C2CD2: variants seen among roughly 807,000 people sequenced by gnomAD.
The protein encoded by C2CD2 is C2 calcium dependent domain containing 2.
A neutral mutation model predicts 74.3 loss-of-function variants in C2CD2; 43 were observed. The ratio of observed to expected loss-of-function variants is 0.58; its 90% confidence interval spans 0.45 to 0.75. C2CD2 has a LOEUF of 0.75. Among genes scored for constraint, C2CD2 ranks in the 30% least tolerant of loss-of-function variants. C2CD2 has a pLI of 0.00. For synonymous variants in C2CD2, 422 were observed against 390.7 expected (o/e 1.08, Z -0.94); for missense variants, 801 against 916.3 (o/e 0.87, Z 1.63).
rs2065190263 is a variant in C2CD2, at chr21:41,924,694, TAAAA to T, written c.379-2613_379-2610del. Among the ~76,000 whole-genome samples, 1 of 139,142 alleles carries T rather than the reference TAAAA, an allele frequency of 7.2e-6. No homozygotes were observed. The highest frequency in any genetic ancestry group is 1.5e-5 in the Non-Finnish European group (1 of 66,932). 91.3% of individuals were successfully genotyped at this position (139,142 alleles called of 152,430 possible). ...AGCCCACTCCTTTTACTGCTTAAAG[TAAAA>T]AATAAAAAATAAAAATAAATTTAAA... On this transcript the variant is annotated intron_variant, in intron 2 of 13. Coordinates refer to ENST00000380486, the MANE Select transcript of C2CD2 (RefSeq NM_015500.2). This position sits in a 1 kb window ranked among gnomAD's most constrained non-coding sequence, Gnocchi z 4.4.
chr21:41,936,536 T>G (rs927310515), intron 2 of C2CD2, among the ~76,000 whole-genome samples: 2 of 152,162 alleles, frequency 1.3e-5, no homozygotes, highest in Non-Finnish European at 2.9e-5. Flanking sequence ...ATATGGAAGC[T>G]CCTTTAAAAA....
chr21:41,888,179 T>G lies in C2CD2; in HGVS notation c.*945A>C, dbSNP rs1014210826. 1 of 152,640 alleles carries G rather than the reference T, an allele frequency of 6.6e-6. No homozygotes were observed. Among genetic ancestry groups the G allele is most frequent in the Non-Finnish European group, 1.5e-5 (1 of 68,046 alleles). The allele number at this position is 152,640 out of a possible 1,614,324, so 9.5% of individuals were successfully genotyped here. ...CTGAGACACAAAATAATTTCCTCTA[T>G]TGCCCTAAAAAGACTTTGTTTTGGC... is the stretch of plus-strand genomic sequence containing the variant. On this transcript the variant is annotated 3_prime_UTR_variant, in exon 14 of 14. Transcript: ENST00000380486.
rs540409951 is a variant in C2CD2, at chr21:41,932,006, T to A, written c.379-9921A>T. The stretch of plus-strand genomic sequence containing the variant: ...ACCTCCCCACCTCCAGCATCCCACC[T>A]CCCCACCTCCAGCATCCCACCACCC... On this transcript the variant is annotated intron_variant, in intron 2 of 13. Coordinates refer to ENST00000380486, the MANE Select transcript of C2CD2 (RefSeq NM_015500.2). Among the ~76,000 whole-genome samples the A allele has an allele frequency of 9.2e-3, 380 of 41,368 alleles. 8 individuals are homozygous for A. The highest frequency in any genetic ancestry group is 0.014 in the Non-Finnish European group (307 of 21,890). The allele number at this position is 41,368 out of a possible 152,430, so 27.1% of individuals were successfully genotyped here.
At position 41,903,851 on chromosome 21, in the gene C2CD2, C is replaced by A. The variant is rs954139523; in HGVS notation, c.1432+1873G>T. ...CTAGGTCTTTTAAGAGGGATCCTGC[C>A]CACGTGACAGGACCCCGCAGCATGG... On this transcript the variant is annotated intron_variant, in intron 11 of 13. Transcript: ENST00000380486. The surrounding 1 kb of genome is among the most constrained non-coding windows in gnomAD (Gnocchi z 4.5). 1.4e-4 allele frequency among the ~76,000 whole-genome samples: 21 copies of A among 152,214 alleles called. No individual in the cohort carries two copies. Among genetic ancestry groups the A allele is most frequent in the African/African-American group, 4.8e-4 (20 of 41,538 alleles).
rs899546872 is a variant in C2CD2, at chr21:41,933,119, T to A, written c.378+9028A>T. Among the ~76,000 whole-genome samples the A allele has an allele frequency of 1.3e-5, 2 of 148,436 alleles. 1 individual carries two copies. ...TCAAATGCCAACCACATGTCCCTTG[T>A]CAAGGCTGAGTTAGAAAGATAGGAA... On this transcript the variant is annotated intron_variant, in intron 2 of 13. Coordinates refer to ENST00000380486, the MANE Select transcript of C2CD2 (RefSeq NM_015500.2).
rs1252063820 is a variant in C2CD2 at position 41,953,744 on chromosome 21, G to A, written c.-96C>T. On this transcript the variant is annotated 5_prime_UTR_variant, in exon 1 of 14. Transcript: ENST00000380486. The stretch of plus-strand genomic sequence containing the variant: ...GCGCTGGCTGCGGCCACAGCGCGCT[G>A]GGGGCGTGGAGGGGGCGCGGCGGGG... The A allele has an allele frequency of 3.6e-5, 42 of 1,172,526 alleles. No individual in the cohort carries two copies. The highest frequency in any genetic ancestry group is 4.5e-5 in the Non-Finnish European group (42 of 932,228). The allele number at this position is 1,172,526 out of a possible 1,614,324, so 72.6% of individuals were successfully genotyped here. A position where few individuals can be genotyped will look rare whatever the true frequency, so the allele number is the denominator to read the frequency against.
chr21:41,898,968 A>G, intron 13 of C2CD2, 85 bp downstream of exon 13: 1 of 1,003,920 alleles, frequency 1.0e-6, no homozygotes, highest in Non-Finnish European at 1.5e-6. Flanking sequence ...AAGGGAAGGA[A>G]GGCAGATGAC....
At chr21:41,934,079 A>G (rs2065286229) in intron 2 of C2CD2, among the ~76,000 whole-genome samples, 1 of 152,164 alleles carries the variant, frequency 6.6e-6, no homozygotes, top group South Asian at 2.1e-4. Flanking sequence ...TTTATTTTTA[A>G]CTTTTTAATG....
At chr21:41,943,647 G>C (rs1016567981) in intron 1 of C2CD2, among the ~76,000 whole-genome samples, 2 of 152,176 alleles carry the variant, frequency 1.3e-5, no homozygotes, top group African/African-American at 4.8e-5. Context: ...GAGGGGAAGC[G>C]GTGTAAAACC....
chr21:41,891,512 G>A (rs2064753597), intron 13 of C2CD2, among the ~76,000 whole-genome samples: 1 of 152,236 alleles, frequency 6.6e-6, no homozygotes, highest in South Asian at 2.1e-4. Context: ...CATGGTGATA[G>A]GGGCTCCCAG....
At position 41,920,220 on chromosome 21, in the gene C2CD2, C is replaced by T. The variant is rs928302460; in HGVS notation, c.493-1260G>A. On this transcript the variant is annotated intron_variant, in intron 3 of 13. Coordinates refer to ENST00000380486, the MANE Select transcript of C2CD2 (RefSeq NM_015500.2). ...GCTCCTGGATTTGGGCCTGGCCGGA[C>T]ACCTGGCCTCCTTCACGATGGCATC... 1.4e-4 allele frequency among the ~76,000 whole-genome samples: 21 copies of T among 152,360 alleles called. 3 individuals are homozygous for T. Among genetic ancestry groups the T allele is most frequent in the Admixed American group, 5.2e-4 (8 of 15,302 alleles).
In C2CD2 at chr21:41,945,238, C is replaced by T. The variant is rs1349881241; in HGVS notation, c.280-2993G>A. 6.6e-6 allele frequency among the ~76,000 whole-genome samples: 1 copy of T among 152,254 alleles called. No individual in the cohort carries two copies. Among genetic ancestry groups the T allele is most frequent in the Middle Eastern group, 3.4e-3 (1 of 294 alleles). ...GAACCCAAGGTACAGGATACAATCA[C>T]GGTTTTTCAGATAAACACAGAGAGA... On this transcript the variant is annotated intron_variant, in intron 1 of 13. Transcript: ENST00000380486. This position sits in a 1 kb window ranked among gnomAD's most constrained non-coding sequence, Gnocchi z 4.2.
chr21:41,885,523 C>A lies in C2CD2; in HGVS notation c.*3601G>T, dbSNP rs1433798638. ...TCTGCAGGATTCCGCGGGGGCCTTG[C>A]CCTGTGCAGGCTGCTTTGGTCTTCG... is the stretch of plus-strand genomic sequence containing the variant. On this transcript the variant is annotated 3_prime_UTR_variant, in exon 14 of 14. Coordinates refer to ENST00000380486, the MANE Select transcript of C2CD2 (RefSeq NM_015500.2). 6.6e-6 allele frequency: 1 copy of A among 152,670 alleles called. No homozygotes were observed. The highest frequency in any genetic ancestry group is 1.5e-5 in the Non-Finnish European group (1 of 68,082). 9.5% of individuals were successfully genotyped at this position (152,670 alleles called of 1,614,324 possible). A position where few individuals can be genotyped will look rare whatever the true frequency, so the allele number is the denominator to read the frequency against.
chr21:41,927,827 A>G (rs1486126049), intron 2 of C2CD2, among the ~76,000 whole-genome samples: 1 of 152,176 alleles, frequency 6.6e-6, no homozygotes, highest in East Asian at 1.9e-4. Flanking sequence ...GGTTGGAAAC[A>G]AGATGGTGGC....
At chr21:41,938,369 C>A (rs183405813) in intron 2 of C2CD2, among the ~76,000 whole-genome samples, 101 of 152,120 alleles carry the variant, frequency 6.6e-4, no homozygotes, top group Admixed American at 1.0e-3. Flanking sequence ...AATCTCTATA[C>A]CCTTCCATAT....
Position 41,912,334 on chromosome 21 carries a change from G to A in C2CD2, c.951C>T (p.Thr317=), listed in dbSNP as rs2091685662. Reference sequence around the variant, plus strand: ...GCCCATAACCCGGCCAGACTCACAAGGTGAATTCCTCTTCCCACATGAGGT... The same window carrying A: ...GCCCATAACCCGGCCAGACTCACAAAGTGAATTCCTCTTCCCACATGAGGT... ...TPDLMWEEEF[T]FELNAKSKEL... Residue 317 remains threonine, a splice_region_variant and synonymous_variant, in exon 7 of 14, where the codon ACC becomes ACT. Transcript: ENST00000380486. 5 of 1,603,784 alleles carry A rather than the reference G, an allele frequency of 3.1e-6. No homozygotes were observed. Among genetic ancestry groups the A allele is most frequent in the African/African-American group, 1.3e-5 (1 of 74,682 alleles).
chr21:41,940,840 C>T (rs1205935764), intron 2 of C2CD2, among the ~76,000 whole-genome samples: 3 of 152,204 alleles, frequency 2.0e-5, no homozygotes, highest in Non-Finnish European at 4.4e-5. Context: ...AGTTACAAAT[C>T]AGTGCATTCA....
rs563639357 is a variant in C2CD2 at position 41,899,561 on chromosome 21, A to G, written c.1561-199T>C. Reference sequence around the variant, plus strand: ...GTTAAAAAAGGTCTCCCTTACAGCCAGGGCTCAGGATCCCTAGGCAGCTGG... The same window carrying G: ...GTTAAAAAAGGTCTCCCTTACAGCCGGGGCTCAGGATCCCTAGGCAGCTGG... On this transcript the variant is annotated intron_variant, in intron 12 of 13. Transcript: ENST00000380486. This position sits in a 1 kb window ranked among gnomAD's most constrained non-coding sequence, Gnocchi z 4.4. 6.6e-6 allele frequency among the ~76,000 whole-genome samples: 1 copy of G among 152,238 alleles called. No homozygotes were observed. Among genetic ancestry groups the G allele is most frequent in the Non-Finnish European group, 1.5e-5 (1 of 68,012 alleles).
chr21:41,949,988 G>C (rs375316115), intron 1 of C2CD2, among the ~76,000 whole-genome samples: 5 of 152,182 alleles, frequency 3.3e-5, no homozygotes, highest in African/African-American at 1.2e-4. Context: ...GGGCCTGTCA[G>C]GGACTGGGCG....
Sources: gnomAD v4.1 joint callset for allele counts (sites outside exome capture counted in the v4.1 genomes callset) on GRCh38, gnomAD v4.1.1 for gene constraint, Gnocchi (gnomAD v3.1) non-coding constraint, MANE v1.5 for transcripts, NCBI Gene and HGNC (gene_info 2026-07-23, HGNC 2026-07-21) for gene names.